KAZN: variants seen among roughly 807,000 people sequenced by gnomAD.
KAZN encodes kazrin.
Under a neutral mutation model 87.4 loss-of-function variants are expected in KAZN, and 40 were observed. The ratio of observed to expected loss-of-function variants is 0.46; its 90% CI spans 0.36 to 0.60. The LOEUF (loss-of-function observed/expected upper bound fraction) is 0.60. Among genes scored for constraint, KAZN ranks in the 20% least tolerant of loss-of-function variants. The pLI, the probability that KAZN is intolerant of heterozygous loss-of-function variation, is 0.00. For missense variants in KAZN, 898 were observed against 1,073.9 expected (o/e 0.84, Z 2.29); for synonymous variants, 466 against 458.3 (o/e 1.02, Z -0.22).
rs141155355 is a variant in KAZN, at chr1:15,013,481, C to CGG, written c.419-21267_419-21266dup. On this transcript the variant is annotated intron_variant, in intron 2 of 14. Coordinates refer to ENST00000376030, the MANE Select transcript of KAZN (RefSeq NM_201628.3). ...AGAGATGGTGGAACCGGGCCAGGCA[C>CGG]GGTGGCTCATGCCTGTAATCCAAGC... 8.6e-3 allele frequency among the ~76,000 whole-genome samples: 1,310 copies of CGG among 152,222 alleles called. 16 individuals carry two copies. The highest frequency in any genetic ancestry group is 0.03 in the African/African-American group (1,257 of 41,528).
chr1:14,835,749 C>T (rs974260594), intron 1 of KAZN, among the ~76,000 whole-genome samples: 1 of 152,118 alleles, frequency 6.6e-6, no homozygotes, highest in Admixed American at 6.5e-5. Context: ...CTCCTGCCTC[C>T]ACCACCCGTA....
rs537512664 is a variant in KAZN at position 14,714,797 on chromosome 1, G to GTT, written c.226+115588_226+115589dup. 9.3e-3 allele frequency among the ~76,000 whole-genome samples: 1,123 copies of GTT among 120,526 alleles called. 18 individuals are homozygous for GTT. The highest frequency in any genetic ancestry group is 0.014 in the African/African-American group (425 of 31,122). The allele number at this position is 120,526 out of a possible 152,430, so 79.1% of individuals were successfully genotyped here. A position where few individuals can be genotyped will look rare whatever the true frequency, so the allele number is the denominator to read the frequency against. ...TCTTTTTTCTTTTTCTTTTTTTTTT[G>GTT]TTTTTTTTTTTTTTTGAGACAGGTT... is the stretch of plus-strand genomic sequence containing the variant. On this transcript the variant is annotated intron_variant, in intron 1 of 14. Transcript: ENST00000376030.
intron 1 of KAZN, among the ~76,000 whole-genome samples, chr1:13,975,627 G>A (rs1485943648): frequency 6.6e-6 from 1 of 152,122 alleles, no homozygotes; most frequent in Non-Finnish European, 1.5e-5. Flanking sequence ...ATCAAATATT[G>A]ATCAAATGAG....
intron 13 of KAZN, among the ~76,000 whole-genome samples, chr1:15,111,252 G>A (rs937829618): frequency 1.9e-5 from 1 of 53,794 alleles, no homozygotes; most frequent in African/African-American, 1.0e-4. Context: ...AAAGATGCTA[G>A]AAGGTTCTGT....
intron 1 of KAZN, among the ~76,000 whole-genome samples, chr1:14,650,032 CTTTTTTTTT>C (rs34399319): frequency 0.28 from 25,094 of 88,896 alleles, 2,631 homozygotes; most frequent in South Asian, 0.4. Context: ...CTCCACCCAT[CTTTTTTTTT>C]TTTTTTTTTT....
chr1:14,539,469 C>CACAGTACCAA (rs1672683608), intron 2 of KAZN, among the ~76,000 whole-genome samples: 1 of 152,022 alleles, frequency 6.6e-6, no homozygotes, highest in Admixed American at 6.6e-5. Context: ...ACAAATGTAC[C>CACAGTACCAA]ATGGTTCTGT....
intron 8 of KAZN, among the ~76,000 whole-genome samples, chr1:15,079,089 C>G (rs1639885414): frequency 6.6e-6 from 1 of 152,140 alleles, no homozygotes; most frequent in Non-Finnish European, 1.5e-5. Context: ...GAAGACAGCA[C>G]CTCCAATCAC....
chr1:13,987,201 G>A lies in KAZN; in HGVS notation c.91+93445G>A, dbSNP rs181563827. 1.2e-4 allele frequency among the ~76,000 whole-genome samples: 18 copies of A among 152,052 alleles called. No homozygotes were observed. The East Asian group carries it at 1.9e-3, about 16-fold the overall frequency. The stretch of plus-strand genomic sequence containing the variant: ...AAGTTCTGGGATACATGCACAGAAC[G>A]TGCAGGTTTGTTACATAGGTATACA... On this transcript the variant is annotated intron_variant, in intron 1 of 16. Coordinates refer to the KAZN transcript ENST00000636203.
intron 1 of KAZN, among the ~76,000 whole-genome samples, chr1:13,964,790 G>A (rs1415632325): frequency 6.6e-6 from 1 of 152,216 alleles, no homozygotes; most frequent in Admixed American, 6.5e-5. Context: ...GTGGCTATGG[G>A]ATGGAAAGTG....
intron 1 of KAZN, among the ~76,000 whole-genome samples, chr1:14,938,216 AG>A (rs1161621726): frequency 1.3e-5 from 2 of 152,124 alleles, no homozygotes; most frequent in Non-Finnish European, 2.9e-5. Flanking sequence ...CCTATCTAGT[AG>A]GGGTTTTGTG....
At chr1:14,039,032 A>T (rs1989572) in intron 1 of KAZN, among the ~76,000 whole-genome samples, 110,582 of 151,808 alleles carry the variant, frequency 0.73, 40,352 homozygotes, top group Admixed American at 0.83. Context: ...TTAGCTGGGC[A>T]TGGTGGTGTG....
intron 2 of KAZN, among the ~76,000 whole-genome samples, chr1:14,968,511 C>T (rs1381253083): frequency 2.6e-5 from 4 of 152,204 alleles, no homozygotes; most frequent in Non-Finnish European, 5.9e-5. Flanking sequence ...GAATGGGAAA[C>T]GAACCAGGCC....
intron 1 of KAZN, among the ~76,000 whole-genome samples, chr1:14,622,229 A>G (rs912050211): frequency 6.6e-6 from 1 of 152,216 alleles, no homozygotes; most frequent in Admixed American, 6.5e-5. Flanking sequence ...AAATCAGCCC[A>G]TGGAGACTCC....
chr1:14,179,459 A>C (rs1646150405), intron 1 of KAZN, among the ~76,000 whole-genome samples: 1 of 152,206 alleles, frequency 6.6e-6, no homozygotes, highest in African/African-American at 2.4e-5. Context: ...TTTTATAGTT[A>C]TTTACAGCAA....
chr1:14,777,017 T>C (rs573797287), intron 1 of KAZN, among the ~76,000 whole-genome samples: 14 of 152,174 alleles, frequency 9.2e-5, no homozygotes, highest in African/African-American at 3.4e-4. Flanking sequence ...TTGTTTTGTT[T>C]TGAGACGGAG....
intron 2 of KAZN, among the ~76,000 whole-genome samples, chr1:14,364,738 C>T (rs1012698033): frequency 6.6e-6 from 1 of 152,206 alleles, no homozygotes; most frequent in Non-Finnish European, 1.5e-5. Flanking sequence ...GACAAGTTGT[C>T]GTCAGGGACA....
intron 1 of KAZN, among the ~76,000 whole-genome samples, chr1:14,027,549 G>A (rs1641133206): frequency 1.3e-5 from 2 of 152,118 alleles, no homozygotes; most frequent in Admixed American, 1.3e-4. Context: ...CATCAGAGAA[G>A]GTTGCAATAG....
intron 2 of KAZN, among the ~76,000 whole-genome samples, chr1:14,228,405 T>C (rs1157652663): frequency 6.6e-6 from 1 of 152,152 alleles, no homozygotes; most frequent in Non-Finnish European, 1.5e-5. Flanking sequence ...AGAAGTTTGA[T>C]TTTTCTCCTA....
chr1:15,088,650 TG>T (rs1310005487), intron 8 of KAZN, among the ~76,000 whole-genome samples: 2 of 152,186 alleles, frequency 1.3e-5, no homozygotes, highest in Non-Finnish European at 2.9e-5. Context: ...ACATAAAATC[TG>T]GCCCCATAAT....
Sources: gnomAD v4.1 joint callset for allele counts (sites outside exome capture counted in the v4.1 genomes callset) on GRCh38, gnomAD v4.1.1 for gene constraint, MANE v1.5 for transcripts, NCBI Gene and HGNC (gene_info 2026-07-23, HGNC 2026-07-21) for gene names.